The following HTR4 variants were observed in gnomAD, a reference collection of about 807,000 sequenced individuals.
HTR4 encodes the protein 5-hydroxytryptamine (serotonin) receptor 4, G protein-coupled.
Under a neutral mutation model 36.8 loss-of-function variants are expected in HTR4, and 16 were observed. The observed-to-expected ratio is 0.43, with a 90% CI of 0.29 to 0.66. The LOEUF (loss-of-function observed/expected upper bound fraction) is 0.66. Among genes scored for constraint, HTR4 ranks in the 30% least tolerant of loss-of-function variants. The pLI is 0.13. For synonymous variants in HTR4, 189 were observed against 185.1 expected (o/e 1.02, Z -0.17); for missense variants, 438 against 490.9 (o/e 0.89, Z 1.02).
At chr5:148,480,047 G>C (rs1031930145), downstream of HTR4, among the ~76,000 whole-genome samples, 1 of 152,032 alleles carries the variant, frequency 6.6e-6, no homozygotes, top group Non-Finnish European at 1.5e-5. Flanking sequence ...TCTGGTCCAC[G>C]TTTGATTTTT....
At chr5:148,614,456 G>T (rs1752578340) in intron 2 of HTR4, among the ~76,000 whole-genome samples, 1 of 152,180 alleles carries the variant, frequency 6.6e-6, no homozygotes, top group Admixed American at 6.5e-5. Context: ...AATAAATGGT[G>T]CTGGGAAAAC....
rs184391253 is a variant in HTR4 at position 148,489,106 on chromosome 5, A to G, written c.1077-5813T>C. ...ATAGTATTCCAATATAAAAGGACCT[A>G]AAATATCTAGGAGAAAATACCTTAA... On this transcript the variant is annotated intron_variant, in intron 6 of 6. Transcript: ENST00000377888. Among the ~76,000 whole-genome samples, 2 of 152,354 alleles carry G rather than the reference A, an allele frequency of 1.3e-5. 1 individual carries two copies. The highest frequency in any genetic ancestry group is 1.3e-4 in the Admixed American group (2 of 15,300).
downstream of HTR4, chr5:148,481,489 C>G (rs1755880572): frequency 7.5e-7 from 1 of 1,340,358 alleles, no homozygotes; most frequent in Non-Finnish European, 1.0e-6. Flanking sequence ...TTCCCTAAAA[C>G]ATGACTTTCT....
intron 6 of HTR4, among the ~76,000 whole-genome samples, 172 bp from the exon 7 acceptor site, chr5:148,483,465 A>G (rs919143983): frequency 7.9e-5 from 12 of 152,168 alleles, no homozygotes; most frequent in Non-Finnish European, 1.8e-4. Context: ...ATTTTTGGCA[A>G]TAATAACTAT....
chr5:148,472,599 C>A (rs1755596803), downstream of HTR4, among the ~76,000 whole-genome samples: 1 of 152,102 alleles, frequency 6.6e-6, no homozygotes, highest in African/African-American at 2.4e-5. Flanking sequence ...GTTGTTGCCC[C>A]AGGGAACTAT....
At chr5:148,640,865 A>T (rs1044324848) in intron 1 of HTR4, among the ~76,000 whole-genome samples, 93 of 152,228 alleles carry the variant, frequency 6.1e-4, no homozygotes, top group African/African-American at 2.2e-3. Flanking sequence ...CACAAGGAAA[A>T]TCTTGTATAT....
intron 5 of HTR4, among the ~76,000 whole-genome samples, chr5:148,466,234 T>G (rs1755425343): frequency 6.6e-6 from 1 of 152,198 alleles, no homozygotes; most frequent in Non-Finnish European, 1.5e-5. Flanking sequence ...ACTCAGCCTC[T>G]TCTTCCCTCC....
intron 2 of HTR4, among the ~76,000 whole-genome samples, chr5:148,608,045 C>A (rs934391015): frequency 3.9e-5 from 6 of 152,122 alleles, no homozygotes; most frequent in Admixed American, 3.3e-4. Context: ...TATCTAACTG[C>A]AACTGTAAAC....
chr5:148,570,549 G>T (rs1389568576), intron 2 of HTR4, among the ~76,000 whole-genome samples: 4 of 152,090 alleles, frequency 2.6e-5, no homozygotes, highest in Non-Finnish European at 5.9e-5. Flanking sequence ...AGGCTGGAAA[G>T]TGCAGCCGTG....
At chr5:148,462,221 CA>C (rs1252863891) in intron 5 of HTR4, among the ~76,000 whole-genome samples, 2 of 151,564 alleles carry the variant, frequency 1.3e-5, no homozygotes, top group South Asian at 2.1e-4. Flanking sequence ...ATCAATAAAA[CA>C]AAAAGCTAGT....
intron 2 of HTR4, among the ~76,000 whole-genome samples, chr5:148,633,354 G>A (rs866984655): frequency 5.7e-4 from 86 of 151,786 alleles, no homozygotes; most frequent in Middle Eastern, 6.8e-3. Flanking sequence ...AGAACATAGC[G>A]CATTGTATGT....
chr5:148,644,978 G>A (rs550014661), intron 1 of HTR4: 2 of 152,234 alleles, frequency 1.3e-5, no homozygotes, highest in Admixed American at 1.3e-4. Flanking sequence ...TTGGTATATT[G>A]TATTTGTTTT....
intron 5 of HTR4, among the ~76,000 whole-genome samples, chr5:148,458,160 A>C (rs112157208): frequency 6.9e-6 from 1 of 144,108 alleles, no homozygotes; most frequent in African/African-American, 2.5e-5. Flanking sequence ...TATATCATTA[A>C]AATATATTAT....
intron 2 of HTR4, among the ~76,000 whole-genome samples, chr5:148,630,762 T>C (rs1456957736): frequency 1.3e-5 from 2 of 152,142 alleles, no homozygotes; most frequent in Non-Finnish European, 2.9e-5. Context: ...AAATACTATG[T>C]TAAGAATTTT....
chr5:148,563,790 A>T (rs910247698), intron 2 of HTR4, among the ~76,000 whole-genome samples: 1 of 152,326 alleles, frequency 6.6e-6, no homozygotes, highest in Middle Eastern at 3.4e-3. Flanking sequence ...ATATGAGAGG[A>T]TATGCTTAAG....
At chr5:148,473,425 T>C (rs1407579644), downstream of HTR4, among the ~76,000 whole-genome samples, 1 of 152,110 alleles carries the variant, frequency 6.6e-6, no homozygotes, top group African/African-American at 2.4e-5. Context: ...GTAAGAGACT[T>C]GGAAGATTGG....
chr5:148,572,166 T>C (rs559711817), intron 2 of HTR4, among the ~76,000 whole-genome samples: 1 of 152,126 alleles, frequency 6.6e-6, no homozygotes, highest in Admixed American at 6.6e-5. Context: ...TCCAAGATTT[T>C]AGGCCTTGTC....
intron 2 of HTR4, among the ~76,000 whole-genome samples, chr5:148,616,121 A>C (rs1752673755): frequency 6.6e-6 from 1 of 152,224 alleles, no homozygotes; most frequent in Admixed American, 6.5e-5. Flanking sequence ...TGCACGAAGG[A>C]GAAATATGAG....
intron 2 of HTR4, among the ~76,000 whole-genome samples, chr5:148,596,818 A>C (rs917064832): frequency 6.6e-6 from 1 of 152,094 alleles, no homozygotes; most frequent in Non-Finnish European, 1.5e-5. Context: ...TTTACTGAAC[A>C]TTGACTCTAT....
Sources: allele counts gnomAD v4.1 joint callset (sites outside exome capture counted in the v4.1 genomes callset), GRCh38; gene constraint gnomAD v4.1.1; transcripts MANE v1.5; gene names NCBI Gene and HGNC (gene_info 2026-07-23, HGNC 2026-07-21).